The following INPP4B variants were observed in gnomAD, a reference collection of about 807,000 sequenced individuals.
INPP4B encodes the protein inositol polyphosphate-4-phosphatase type II B.
A neutral mutation model predicts 122.5 loss-of-function variants in INPP4B; 55 were observed. The ratio of observed to expected loss-of-function variants is 0.45; its 90% confidence interval spans 0.36 to 0.56. The LOEUF (loss-of-function observed/expected upper bound fraction) is 0.56, where lower values mean the gene tolerates loss of function less well. Among genes scored for constraint, INPP4B ranks in the 20% least tolerant of loss-of-function variants. INPP4B has a pLI of 0.00. For missense variants in INPP4B, 1,000 were observed against 1,097.7 expected (o/e 0.91, Z 1.26); for synonymous variants, 403 against 388.7 (o/e 1.04, Z -0.43).
At chr4:142,307,385 C>T (rs1480155646) in intron 8 of INPP4B, among the ~76,000 whole-genome samples, 1 of 152,086 alleles carries the variant, frequency 6.6e-6, no homozygotes. Flanking sequence ...TTATTTTGCA[C>T]CTCTCCAAAA....
intron 2 of INPP4B, among the ~76,000 whole-genome samples, chr4:142,578,759 T>C (rs555464352): frequency 1.3e-5 from 2 of 152,138 alleles, no homozygotes; most frequent in Non-Finnish European, 2.9e-5. Context: ...ATTTCAGCCC[T>C]TAACAAATGC....
chr4:142,791,631 G>C (rs144881759), intron 1 of INPP4B, among the ~76,000 whole-genome samples: 11 of 152,188 alleles, frequency 7.2e-5, no homozygotes, highest in African/African-American at 2.6e-4. Flanking sequence ...TCAGTGACTA[G>C]TTTAATATCT....
intron 21 of INPP4B, among the ~76,000 whole-genome samples, chr4:142,116,253 G>C (rs1405355843): frequency 2.0e-5 from 3 of 152,040 alleles, no homozygotes; most frequent in African/African-American, 4.8e-5. Context: ...GACAGATCAA[G>C]GAGACAGAAA....
At chr4:142,174,374 T>C (rs1827023162) in intron 15 of INPP4B, among the ~76,000 whole-genome samples, 1 of 152,072 alleles carries the variant, frequency 6.6e-6, no homozygotes, top group Admixed American at 6.6e-5. Flanking sequence ...TAGCATTCAA[T>C]ACCTACTACC....
At chr4:142,132,486 C>T (rs924313322) in intron 18 of INPP4B, among the ~76,000 whole-genome samples, 1 of 152,046 alleles carries the variant, frequency 6.6e-6, no homozygotes, top group Non-Finnish European at 1.5e-5. Context: ...ATCAAGTAAT[C>T]CATAAATATG....
chr4:142,744,355 G>T (rs1198653091), intron 1 of INPP4B, among the ~76,000 whole-genome samples: 1 of 151,608 alleles, frequency 6.6e-6, no homozygotes, highest in Non-Finnish European at 1.5e-5. Flanking sequence ...GTAGTCTTAG[G>T]AAGAAAAAAA....
intron 2 of INPP4B, among the ~76,000 whole-genome samples, chr4:142,635,944 A>G (rs1308021438): frequency 6.6e-6 from 1 of 152,176 alleles, no homozygotes; most frequent in African/African-American, 2.4e-5. Flanking sequence ...AGAAATAAAA[A>G]TAATTTTCGG....
In INPP4B at chr4:142,816,746, G is replaced by A. The variant is rs375610425; in HGVS notation, c.-254+29463C>T. On this transcript the variant is annotated intron_variant, in intron 1 of 25. Transcript: ENST00000262992. ...CTCATGGAAATGTTCTTAGGTACCC[G>A]TTATTTTTTCTTAATAGTATATTTG... 4.0e-5 allele frequency among the ~76,000 whole-genome samples: 6 copies of A among 151,870 alleles called. No individual in the cohort carries two copies. The East Asian group carries it at 5.8e-4, about 15-fold the overall frequency.
chr4:142,477,099 C>T (rs1819886346), intron 2 of INPP4B, among the ~76,000 whole-genome samples: 1 of 152,166 alleles, frequency 6.6e-6, no homozygotes, highest in Non-Finnish European at 1.5e-5. Flanking sequence ...CAAACACACT[C>T]TTGTACCACT....
At chr4:142,620,837 T>TA (rs1328618558) in intron 2 of INPP4B, among the ~76,000 whole-genome samples, 53 of 152,020 alleles carry the variant, frequency 3.5e-4, no homozygotes, top group African/African-American at 1.3e-3. Flanking sequence ...TTTAACCATT[T>TA]AATTTTTTTC....
At chr4:142,663,270 T>A (rs1263660043) in intron 2 of INPP4B, among the ~76,000 whole-genome samples, 3 of 152,202 alleles carry the variant, frequency 2.0e-5, no homozygotes, top group Non-Finnish European at 4.4e-5. Flanking sequence ...AAAAGTTACA[T>A]CTCTTTAAAA....
intron 7 of INPP4B, among the ~76,000 whole-genome samples, chr4:142,323,802 A>C (rs1771239137): frequency 6.6e-6 from 1 of 151,226 alleles, no homozygotes; most frequent in Non-Finnish European, 1.5e-5. Flanking sequence ...GATACCTTCC[A>C]GCAGACAGGT....
chr4:142,536,213 T>C (rs1828176871), intron 2 of INPP4B, among the ~76,000 whole-genome samples: 1 of 147,522 alleles, frequency 6.8e-6, no homozygotes, highest in Non-Finnish European at 1.5e-5. Flanking sequence ...AAAATTAACA[T>C]TCAATACTTG....
intron 1 of INPP4B, among the ~76,000 whole-genome samples, chr4:142,837,450 G>A (rs1782936895): frequency 1.3e-5 from 2 of 152,082 alleles, no homozygotes; most frequent in African/African-American, 4.8e-5. Flanking sequence ...TACCTGCTGT[G>A]TGATCTTGGG....
intron 25 of INPP4B, among the ~76,000 whole-genome samples, chr4:142,059,057 T>G (rs1271521814): frequency 1.3e-5 from 2 of 152,170 alleles, no homozygotes; most frequent in African/African-American, 2.4e-5. Context: ...ACCTGGATAT[T>G]TAGTCACTTT....
intron 2 of INPP4B, among the ~76,000 whole-genome samples, chr4:142,601,580 T>C (rs1217740779): frequency 7.9e-6 from 1 of 126,760 alleles, no homozygotes; most frequent in Non-Finnish European, 1.7e-5. Context: ...AACTCCTATG[T>C]CAAAAAAAAA....
At chr4:142,195,342 C>T (rs1271099761) in intron 14 of INPP4B, among the ~76,000 whole-genome samples, 2 of 152,054 alleles carry the variant, frequency 1.3e-5, no homozygotes, top group African/African-American at 4.8e-5. Context: ...AAAATAAGTT[C>T]CAGAGATATG....
intron 14 of INPP4B, among the ~76,000 whole-genome samples, chr4:142,205,741 T>A (rs1351090498): frequency 6.6e-6 from 1 of 152,160 alleles, no homozygotes; most frequent in Non-Finnish European, 1.5e-5. Flanking sequence ...TAAAATAATA[T>A]AAACATTTTA....
At chr4:142,753,501 C>T (rs768042527) in intron 1 of INPP4B, among the ~76,000 whole-genome samples, 2 of 151,954 alleles carry the variant, frequency 1.3e-5, no homozygotes, top group Non-Finnish European at 2.9e-5. Flanking sequence ...ACCAGGTCAG[C>T]CCAGGAGAAT....
Sources: allele counts gnomAD v4.1 joint callset (sites outside exome capture counted in the v4.1 genomes callset), GRCh38; gene constraint gnomAD v4.1.1; transcripts MANE v1.5; gene names NCBI Gene and HGNC (gene_info 2026-07-23, HGNC 2026-07-21).